TSC22D3: variants seen among roughly 807,000 people sequenced by gnomAD.
The protein encoded by TSC22D3 is TSC22 domain family protein 3.
In TSC22D3, 4 loss-of-function variants were observed where a neutral mutation model predicts 11.1. The observed-to-expected ratio is 0.36, with a 90% confidence interval of 0.18 to 0.83. The LOEUF (loss-of-function observed/expected upper bound fraction) is 0.83, where lower values mean the gene tolerates loss of function less well. TSC22D3 is among the 40% of genes least tolerant of loss of function. TSC22D3 has a pLI of 0.48. For missense variants in TSC22D3, 118 were observed against 159.4 expected (o/e 0.74, Z 1.40); for synonymous variants, 77 against 70.3 (o/e 1.10, Z -0.48).
intron 1 of TSC22D3, among the ~76,000 whole-genome samples, chrX:107,737,994 G>A (rs1928223986): frequency 8.9e-6 from 1 of 112,063 alleles, no homozygotes; most frequent in Non-Finnish European, 1.9e-5. Context: ...GAACTCCTAC[G>A]ACCAGGAACA....
intron 1 of TSC22D3, among the ~76,000 whole-genome samples, chrX:107,770,103 C>G (rs936956447): frequency 8.9e-6 from 1 of 112,243 alleles, no homozygotes; most frequent in African/African-American, 3.2e-5. Context: ...AAACCCAAAA[C>G]CGCTCTACAG....
rs962937806 is a variant in TSC22D3, at chrX:107,713,878, G to A, written c.*641C>T. ...GATCTAGCCCTATGGGTATATATACGCATTTATGGCTATATAGAAAAACTA... is the reference window on the plus strand; with the variant it reads ...GATCTAGCCCTATGGGTATATATACACATTTATGGCTATATAGAAAAACTA... On this transcript the variant is annotated 3_prime_UTR_variant, in exon 3 of 3. Transcript: ENST00000372383. 8.9e-5 allele frequency: 10 copies of A among 112,809 alleles called. No individual in the cohort carries two copies. The highest frequency in any genetic ancestry group is 2.8e-4 in the East Asian group (1 of 3,601). 9.3% of individuals were successfully genotyped at this position (112,809 alleles called of 1,213,427 possible). A position where few individuals can be genotyped will look rare whatever the true frequency, so the allele number is the denominator to read the frequency against.
At chrX:107,773,067 C>T (rs1017530878) in intron 1 of TSC22D3, among the ~76,000 whole-genome samples, 2 of 111,778 alleles carry the variant, frequency 1.8e-5, no homozygotes, top group Non-Finnish European at 3.8e-5. Context: ...TTGCGCTTCT[C>T]CCTCAACCAA....
At chrX:107,719,560 G>A (rs181654940) in intron 1 of TSC22D3, among the ~76,000 whole-genome samples, 9 of 112,112 alleles carry the variant, frequency 8.0e-5, no homozygotes, top group African/African-American at 2.3e-4. Flanking sequence ...TGCCCAAGGC[G>A]GCAAAGGTAA....
intron 1 of TSC22D3, among the ~76,000 whole-genome samples, chrX:107,721,414 C>T (rs1036059060): frequency 1.8e-5 from 2 of 111,925 alleles, no homozygotes; most frequent in African/African-American, 6.5e-5. Flanking sequence ...AGCATAACCC[C>T]GGGCAGGATC....
intron 1 of TSC22D3, among the ~76,000 whole-genome samples, chrX:107,744,343 C>A (rs191239422): frequency 9.0e-6 from 1 of 110,800 alleles, no homozygotes; most frequent in Admixed American, 9.6e-5. Flanking sequence ...AGGCTGGGTG[C>A]GGTGGCTCAC....
intron 1 of TSC22D3, among the ~76,000 whole-genome samples, chrX:107,732,965 G>A (rs1234262737): frequency 4.5e-5 from 5 of 110,500 alleles, no homozygotes; most frequent in African/African-American, 1.6e-4. Context: ...GCCAGGCATG[G>A]TGGTGCACAC....
intron 1 of TSC22D3, among the ~76,000 whole-genome samples, chrX:107,771,976 G>A (rs947398875): frequency 2.7e-5 from 3 of 112,580 alleles, no homozygotes; most frequent in Admixed American, 9.4e-5. Context: ...AAGGGACCAC[G>A]TCAATATTTA....
intron 1 of TSC22D3, among the ~76,000 whole-genome samples, chrX:107,757,295 C>T (rs773744452): frequency 9.5e-4 from 106 of 111,686 alleles, no homozygotes; most frequent in African/African-American, 3.3e-3. Context: ...CCCTACCCCA[C>T]TCCCCGGTCT....
chrX:107,722,009 GT>G (rs1927359767), intron 1 of TSC22D3: 1 of 367,050 alleles, frequency 2.7e-6, no homozygotes, highest in African/African-American at 2.6e-5. Flanking sequence ...CACTTACATA[GT>G]TACTTTGGTT....
intron 1 of TSC22D3, among the ~76,000 whole-genome samples, chrX:107,761,098 TC>T (rs1209464155): frequency 8.9e-6 from 1 of 112,347 alleles, no homozygotes; most frequent in African/African-American, 3.2e-5. Flanking sequence ...CACTTCACTT[TC>T]CCAACCACAC....
intron 1 of TSC22D3, among the ~76,000 whole-genome samples, chrX:107,774,248 C>T (rs1336566261): frequency 1.8e-5 from 2 of 111,923 alleles, no homozygotes; most frequent in African/African-American, 6.5e-5. Flanking sequence ...CTCAGTTGTT[C>T]CCAGAGACTG....
At position 107,775,491 on chromosome X, in the gene TSC22D3, C is replaced by A; in HGVS notation, c.-72G>T. 1.2e-6 allele frequency: 1 copy of A among 863,856 alleles called. No individual in the cohort carries two copies. Among genetic ancestry groups the A allele is most frequent in the Non-Finnish European group, 1.6e-6 (1 of 631,049 alleles). The allele number at this position is 863,856 out of a possible 1,213,427, so 71.2% of individuals were successfully genotyped here. ...GGCAGGTGCGCGCCCACCGAGCTGG[C>A]CTGAGGGGACTCCAGGGTGCCTGGA... On this transcript the variant is annotated 5_prime_UTR_variant, in exon 1 of 3. Transcript: ENST00000372383.
chrX:107,726,667 T>C lies in TSC22D3; in HGVS notation c.321-10717A>G, dbSNP rs1927641148. 2.7e-5 allele frequency among the ~76,000 whole-genome samples: 3 copies of C among 111,169 alleles called. No individual in the cohort carries two copies. In the South Asian group the frequency reaches 1.2e-3, roughly 43 times the overall value. On this transcript the variant is annotated intron_variant, in intron 1 of 2. Transcript: ENST00000372383. ...TTCTTTCATCTTCTTTTTTTTAATC[T>C]ACTCTACAGATGTCTTCGTACCACC... is the stretch of plus-strand genomic sequence containing the variant.
At chrX:107,774,998 C>A (rs1279667794) in intron 1 of TSC22D3, 102 bp downstream of exon 1, 1 of 967,533 alleles carries the variant, frequency 1.0e-6, no homozygotes. Context: ...CTCCCCAGTA[C>A]CCCTCCTGAA....
At chrX:107,771,161 CT>C (rs1382690523) in intron 1 of TSC22D3, among the ~76,000 whole-genome samples, 1 of 112,863 alleles carries the variant, frequency 8.9e-6, no homozygotes, top group Non-Finnish European at 1.9e-5. Context: ...AGTTTAGTTA[CT>C]GAGTGTTCTT....
chrX:107,769,717 A>T (rs944954560), intron 1 of TSC22D3, among the ~76,000 whole-genome samples: 11 of 91,989 alleles, frequency 1.2e-4, no homozygotes, highest in African/African-American at 3.5e-4. Context: ...TTTCTCTTTC[A>T]CACACACACA....
chrX:107,755,097 A>G (rs138993063), intron 1 of TSC22D3, among the ~76,000 whole-genome samples: 108 of 112,445 alleles, frequency 9.6e-4, no homozygotes, highest in Middle Eastern at 4.6e-3. Context: ...GACATTATCT[A>G]AAAGATGGAG....
At chrX:107,727,793 G>A (rs1371987515) in intron 1 of TSC22D3, among the ~76,000 whole-genome samples, 1 of 111,990 alleles carries the variant, frequency 8.9e-6, no homozygotes, top group Non-Finnish European at 1.9e-5. Flanking sequence ...ATGGGGAGGG[G>A]GTAGTTTGAG....
Sources: gnomAD v4.1 joint callset for allele counts (sites outside exome capture counted in the v4.1 genomes callset) on GRCh38, gnomAD v4.1.1 for gene constraint, MANE v1.5 for transcripts, NCBI Gene and HGNC (gene_info 2026-07-23, HGNC 2026-07-21) for gene names.